BBS12: variants seen among roughly 807,000 people sequenced by gnomAD.
The protein encoded by BBS12 is Bardet-Biedl syndrome 12.
A neutral mutation model predicts 5.6 loss-of-function variants in BBS12; 5 were observed. The ratio of observed to expected loss-of-function variants is 0.89; its 90% CI spans 0.46 to 1.86. The LOEUF (loss-of-function observed/expected upper bound fraction) is 1.86. BBS12 is among the 40% of genes most tolerant of loss of function. BBS12 has a pLI of 0.01. For missense variants in BBS12, 748 were observed against 830.4 expected, an observed-to-expected ratio of 0.90 and a Z score of 1.22; for synonymous variants, 308 against 306.8, an observed-to-expected ratio of 1.00 and a Z score of -0.04.
In BBS12 at chr4:122,743,027, A is replaced by G. The variant is rs369878286; in HGVS notation, c.1135A>G (p.Lys379Glu). The G allele has an allele frequency of 2.0e-4, 327 of 1,614,148 alleles. No individual in the cohort carries two copies. The highest frequency in any genetic ancestry group is 2.6e-4 in the Non-Finnish European group (303 of 1,180,054). The change falls in exon 2 of 2, where the codon AAA (lysine) becomes GAA (glutamate). Residue 379 changes from lysine (K) to glutamate (E), a missense_variant. Physicochemically the swap from Lys to Glu is moderately conservative, Grantham distance 56. Transcript: ENST00000314218. ...HLGFNKSANIKTVLDSMRLQE... is the reference protein window; with the variant it reads ...HLGFNKSANIETVLDSMRLQE... ...GGGATTTAATAAGTCTGCAAATATT[A>G]AAACAGTATTAGATAGCATGCGGCT...
chr4:122,713,080 A>G, the BBS12 span, among the ~76,000 whole-genome samples: 1 of 152,194 alleles, frequency 6.6e-6, no homozygotes, highest in Non-Finnish European at 1.5e-5. Flanking sequence ...TACCAATCAT[A>G]GTGATATGTG....
At chr4:122,703,536 C>T in the BBS12 span, among the ~76,000 whole-genome samples, 6 of 152,100 alleles carry the variant, frequency 3.9e-5, no homozygotes, top group African/African-American at 1.4e-4. Context: ...AGTGAGATCC[C>T]ATCTCTTAAA....
At chr4:122,710,385 C>T in the BBS12 span, among the ~76,000 whole-genome samples, 3 of 152,244 alleles carry the variant, frequency 2.0e-5, no homozygotes, top group Non-Finnish European at 2.9e-5. Context: ...CGTGTTGACT[C>T]CTACTCAGGA....
chr4:122,701,324 C>T, the BBS12 span, among the ~76,000 whole-genome samples: 2 of 152,130 alleles, frequency 1.3e-5, no homozygotes, highest in East Asian at 1.9e-4. Flanking sequence ...ATAATTATGA[C>T]GTGATGAATC....
intron 1 of BBS12, among the ~76,000 whole-genome samples, chr4:122,738,978 C>G (rs766339022): frequency 3.3e-5 from 5 of 152,158 alleles, no homozygotes; most frequent in Non-Finnish European, 5.9e-5. Flanking sequence ...AAAGTGAGGT[C>G]ATACTGGATT....
At position 122,744,170 on chromosome 4, in the gene BBS12, C is replaced by T; in HGVS notation, c.*145C>T. On this transcript the variant is annotated 3_prime_UTR_variant, in exon 2 of 2. Coordinates refer to ENST00000314218, the MANE Select transcript of BBS12 (RefSeq NM_152618.3). ...ATGTCTGTCAATAACTGTGCATGGTCTGAGATTTTACCCTACTTATAAGCT... is the reference window on the plus strand; with the variant it reads ...ATGTCTGTCAATAACTGTGCATGGTTTGAGATTTTACCCTACTTATAAGCT... The T allele has an allele frequency of 1.2e-6, 1 of 854,844 alleles. No individual in the cohort carries two copies. The highest frequency in any genetic ancestry group is 1.9e-6 in the Non-Finnish European group (1 of 540,418). The allele number at this position is 854,844 out of a possible 1,614,324, so 53.0% of individuals were successfully genotyped here.
At chr4:122,734,890 A>T (rs1473872190) in intron 1 of BBS12, among the ~76,000 whole-genome samples, 1 of 152,198 alleles carries the variant, frequency 6.6e-6, no homozygotes, top group African/African-American at 2.4e-5. Flanking sequence ...ATTAATCATC[A>T]TCATTATCCA....
At chr4:122,733,774 T>C (rs1464545177) in intron 1 of BBS12, 6 of 150,550 alleles carry the variant, frequency 4.0e-5, no homozygotes, top group Admixed American at 2.6e-4. Flanking sequence ...TTATGCCTCC[T>C]ACAATGTCTT....
the BBS12 span, among the ~76,000 whole-genome samples, chr4:122,725,897 CAAAA>C: frequency 0.048 from 2,492 of 52,450 alleles, 22 homozygotes; most frequent in African/African-American, 0.084. Context: ...GACTCTGTCT[CAAAA>C]AAAAAAAAAA....
At chr4:122,700,762 G>A in the BBS12 span, among the ~76,000 whole-genome samples, 11 of 152,178 alleles carry the variant, frequency 7.2e-5, no homozygotes, top group African/African-American at 2.2e-4. Flanking sequence ...TTTTGTTGTT[G>A]TTTATTTCTC....
At chr4:122,733,147 T>G (rs1683820700) in intron 1 of BBS12, among the ~76,000 whole-genome samples, 1 of 152,162 alleles carries the variant, frequency 6.6e-6, no homozygotes, top group Non-Finnish European at 1.5e-5. Flanking sequence ...CTCCCTGTTT[T>G]GGGCAGGGAT....
At chr4:122,709,678 A>G in the BBS12 span, among the ~76,000 whole-genome samples, 1 of 152,110 alleles carries the variant, frequency 6.6e-6, no homozygotes, top group African/African-American at 2.4e-5. Context: ...TTTTTGCAAC[A>G]GAGTCTTGCT....
the BBS12 span, among the ~76,000 whole-genome samples, chr4:122,715,166 C>T: frequency 6.6e-6 from 1 of 151,684 alleles, no homozygotes. Context: ...CACACGCAAA[C>T]TACATGCTTA....
In BBS12 at chr4:122,742,995, G is replaced by A. The variant is rs78457123; in HGVS notation, c.1103G>A (p.Arg368His). The A allele has an allele frequency of 8.8e-4, 1,417 of 1,614,178 alleles. 6 individuals are homozygous for A. The African/African-American group carries it at 0.016, about 18-fold the overall frequency. Residue 368 changes from arginine (R) to histidine (H), a missense_variant, in exon 2 of 2, where the codon CGC (arginine) becomes CAC (histidine). Physicochemically the swap from Arg to His is conservative, Grantham distance 29 (BLOSUM62 0). Transcript: ENST00000314218. Reference sequence around the variant, plus strand: ...GAGGGTGACCTCACAGAGAATTACCGCCACCTGGGATTTAATAAGTCTGCA... The same window carrying A: ...GAGGGTGACCTCACAGAGAATTACCACCACCTGGGATTTAATAAGTCTGCA... Reference protein sequence around the residue: ...LIEGDLTENYRHLGFNKSANI... With the variant: ...LIEGDLTENYHHLGFNKSANI...
the BBS12 span, among the ~76,000 whole-genome samples, chr4:122,723,994 T>C: frequency 2.2e-4 from 34 of 152,326 alleles, no homozygotes; most frequent in African/African-American, 7.7e-4. Context: ...TTTAATCTCA[T>C]CTTTATTTAA....
At chr4:122,706,319 G>A in the BBS12 span, among the ~76,000 whole-genome samples, 6 of 152,056 alleles carry the variant, frequency 3.9e-5, no homozygotes, top group Non-Finnish European at 8.8e-5. Context: ...GGCCTAAGAC[G>A]AATTCTCCAT....
the BBS12 span, among the ~76,000 whole-genome samples, chr4:122,708,900 G>A: frequency 1.3e-5 from 2 of 151,868 alleles, no homozygotes; most frequent in African/African-American, 4.8e-5. Flanking sequence ...TTGAACTAAG[G>A]CTCATTGTTA....
the BBS12 span, among the ~76,000 whole-genome samples, chr4:122,725,638 C>T: frequency 6.6e-6 from 1 of 152,150 alleles, no homozygotes; most frequent in Non-Finnish European, 1.5e-5. Flanking sequence ...GTGGCTCTTG[C>T]CTGTAATCCT....
the BBS12 span, among the ~76,000 whole-genome samples, chr4:122,726,163 A>G: frequency 1.3e-5 from 2 of 152,150 alleles, no homozygotes; most frequent in South Asian, 4.1e-4. Flanking sequence ...GAAAATCTTC[A>G]CAATCTACGC....
Sources: gnomAD v4.1 joint callset for allele counts (sites outside exome capture counted in the v4.1 genomes callset) on GRCh38, gnomAD v4.1.1 for gene constraint, MANE v1.5 for transcripts, NCBI Gene and HGNC (gene_info 2026-07-23, HGNC 2026-07-21) for gene names.